Variants in LRRTM4 observed in about 807,000 individuals in gnomAD.
The protein encoded by LRRTM4 is leucine rich repeat transmembrane neuronal 4, also known as leucine-rich repeat transmembrane neuronal protein 4.
In LRRTM4, 25 loss-of-function variants were observed where a neutral mutation model predicts 47.6. The ratio of observed to expected loss-of-function variants is 0.53; its 90% CI spans 0.38 to 0.73. The LOEUF (loss-of-function observed/expected upper bound fraction) is 0.73. LRRTM4 is among the 30% of genes least tolerant of loss of function. The pLI is 0.00. For synonymous variants in LRRTM4, 311 were observed against 269.5 expected (o/e 1.15, Z -1.51); for missense variants, 638 against 713.4 (o/e 0.89, Z 1.20).
intron 3 of LRRTM4, chr2:77,516,774 A>G (rs2104118130): frequency 1.0e-6 from 1 of 974,736 alleles, no homozygotes; most frequent in East Asian, 1.1e-4. Context: ...ATGATACACA[A>G]AAAAGAAGAA....
At chr2:77,469,795 T>C (rs1005966697) in intron 3 of LRRTM4, among the ~76,000 whole-genome samples, 4 of 152,084 alleles carry the variant, frequency 2.6e-5, no homozygotes, top group African/African-American at 9.7e-5. Context: ...TTATAATTTA[T>C]ACATATTCAA....
intron 3 of LRRTM4, among the ~76,000 whole-genome samples, chr2:77,097,263 C>T (rs1427016023): frequency 6.6e-6 from 1 of 151,844 alleles, no homozygotes; most frequent in African/African-American, 2.4e-5. Context: ...CAGACAAAAG[C>T]TACTGACCCA....
chr2:77,436,768 T>C (rs1315230780), intron 3 of LRRTM4, among the ~76,000 whole-genome samples: 2 of 151,932 alleles, frequency 1.3e-5, no homozygotes, highest in Admixed American at 6.6e-5. Context: ...TGATCACATA[T>C]TTTCTGTATG....
chr2:76,978,513 T>C (rs1169518823), intron 3 of LRRTM4, among the ~76,000 whole-genome samples: 1 of 152,090 alleles, frequency 6.6e-6, no homozygotes, highest in African/African-American at 2.4e-5. Flanking sequence ...CTTAAGGCTA[T>C]TGCATTTTAA....
chr2:77,139,076 C>G (rs760805977), intron 3 of LRRTM4, among the ~76,000 whole-genome samples: 1 of 152,152 alleles, frequency 6.6e-6, no homozygotes, highest in Non-Finnish European at 1.5e-5. Context: ...TCTTCTGAAA[C>G]TATTCCAATC....
chr2:76,889,014 G>A (rs1016156909), intron 3 of LRRTM4, among the ~76,000 whole-genome samples: 2 of 151,718 alleles, frequency 1.3e-5, no homozygotes, highest in Middle Eastern at 3.2e-3. Context: ...AACATCTCAT[G>A]GCAATATTTT....
At chr2:76,860,006 A>G (rs1377280588) in intron 3 of LRRTM4, among the ~76,000 whole-genome samples, 2 of 152,144 alleles carry the variant, frequency 1.3e-5, no homozygotes, top group Non-Finnish European at 2.9e-5. Flanking sequence ...TCATTATGGG[A>G]TATCACTTAC....
At chr2:77,470,187 A>G (rs1573457414) in intron 3 of LRRTM4, among the ~76,000 whole-genome samples, 1 of 152,266 alleles carries the variant, frequency 6.6e-6, no homozygotes, top group East Asian at 1.9e-4. Context: ...AGCTGTGCCT[A>G]TCATTCAGGA....
intron 3 of LRRTM4, among the ~76,000 whole-genome samples, chr2:77,301,017 A>C (rs952056118): frequency 6.6e-6 from 1 of 152,000 alleles, no homozygotes; most frequent in Non-Finnish European, 1.5e-5. Context: ...CTTTTTTTTA[A>C]ATTAACAGGA....
intron 3 of LRRTM4, among the ~76,000 whole-genome samples, chr2:77,373,834 A>G (rs1407611533): frequency 6.6e-6 from 1 of 151,798 alleles, no homozygotes; most frequent in African/African-American, 2.4e-5. Context: ...GAGCTAGAAA[A>G]GTCTAGGCAA....
chr2:77,190,919 A>G (rs1673652386), intron 3 of LRRTM4, among the ~76,000 whole-genome samples: 1 of 152,320 alleles, frequency 6.6e-6, no homozygotes, highest in South Asian at 2.1e-4. Context: ...GTATGGAACA[A>G]GTAATGTTCC....
intron 3 of LRRTM4, among the ~76,000 whole-genome samples, chr2:77,221,976 T>C (rs969340783): frequency 6.6e-6 from 1 of 152,018 alleles, no homozygotes; most frequent in Non-Finnish European, 1.5e-5. Flanking sequence ...CCTCAGCAAA[T>C]GTGAAAGAAC....
intron 3 of LRRTM4, among the ~76,000 whole-genome samples, chr2:77,063,978 G>T (rs2103807939): frequency 6.6e-6 from 1 of 152,116 alleles, no homozygotes; most frequent in African/African-American, 2.4e-5. Flanking sequence ...GGAAAAGTGA[G>T]AAAAGACATT....
At chr2:77,171,366 T>G (rs1048831221) in intron 3 of LRRTM4, among the ~76,000 whole-genome samples, 54 of 152,194 alleles carry the variant, frequency 3.5e-4, no homozygotes, top group African/African-American at 1.2e-3. Flanking sequence ...AACCTCCACC[T>G]CCTGGGATCA....
At chr2:77,516,308 AC>A (rs1280896672) in intron 3 of LRRTM4, among the ~76,000 whole-genome samples, 7 of 151,944 alleles carry the variant, frequency 4.6e-5, no homozygotes, top group Admixed American at 3.3e-4. Context: ...AATTAAATGA[AC>A]CATCTTTTAA....
At chr2:76,793,836 G>A (rs1005614788) in intron 3 of LRRTM4, among the ~76,000 whole-genome samples, 2 of 152,178 alleles carry the variant, frequency 1.3e-5, no homozygotes, top group South Asian at 4.2e-4. Context: ...AAACACCTGT[G>A]TTGCTGTAAG....
intron 3 of LRRTM4, among the ~76,000 whole-genome samples, chr2:77,398,303 A>T (rs1246604949): frequency 6.6e-6 from 1 of 151,942 alleles, no homozygotes; most frequent in African/African-American, 2.4e-5. Context: ...GAACATCTTC[A>T]CTGAAACCTG....
Position 77,268,110 on chromosome 2 carries a change from T to C in LRRTM4, c.1551+250208A>G, listed in dbSNP as rs887945702. ...TCTGATCTATAACCATGACTTCAAA[T>C]TCCATCAATAAGTCAGTGACTTTCT... On this transcript the variant is annotated intron_variant, in intron 3 of 3. Transcript: ENST00000409884. Among the ~76,000 whole-genome samples, 5 of 152,120 alleles carry C rather than the reference T, an allele frequency of 3.3e-5. No homozygotes were observed. The East Asian group carries it at 5.8e-4, about 18-fold the overall frequency.
intron 3 of LRRTM4, among the ~76,000 whole-genome samples, chr2:77,417,230 G>A (rs1006554466): frequency 6.6e-6 from 1 of 152,138 alleles, no homozygotes; most frequent in African/African-American, 2.4e-5. Context: ...GTCATTAAAA[G>A]GTCAGGAAAC....
Sources: gnomAD v4.1 joint callset for allele counts (sites outside exome capture counted in the v4.1 genomes callset) on GRCh38, gnomAD v4.1.1 for gene constraint, MANE v1.5 for transcripts, NCBI Gene and HGNC (gene_info 2026-07-23, HGNC 2026-07-21) for gene names.